DDX6: variants seen among roughly 807,000 people sequenced by gnomAD.
DDX6 encodes probable ATP-dependent RNA helicase DDX6.
A neutral mutation model predicts 60.6 loss-of-function variants in DDX6; 7 were observed. The ratio of observed to expected loss-of-function variants is 0.12; its 90% CI spans 0.07 to 0.22. The LOEUF (loss-of-function observed/expected upper bound fraction) is 0.22. DDX6 is among the 10% of genes least tolerant of loss of function. The pLI, the probability that DDX6 is intolerant of heterozygous loss-of-function variation, is 1.00. For synonymous variants in DDX6, 207 were observed against 201.0 expected (o/e 1.03, Z -0.25); for missense variants, 270 against 589.9 (o/e 0.46, Z 5.62).
chr11:118,748,403 G>A lies in DDX6; in HGVS notation c.*3702C>T, dbSNP rs1338654432. On this transcript the variant is annotated 3_prime_UTR_variant, in exon 14 of 14. Transcript: ENST00000534980. The stretch of plus-strand genomic sequence containing the variant: ...TTAAAAAACTATCTTTAGATTTAGA[G>A]ATACAAAGTACAACTACAATCTCAC... The A allele has an allele frequency of 6.6e-6, 1 of 152,128 alleles. No homozygotes were observed. The highest frequency in any genetic ancestry group is 1.5e-5 in the Non-Finnish European group (1 of 68,026). 9.4% of individuals were successfully genotyped at this position (152,128 alleles called of 1,614,324 possible). A position where few individuals can be genotyped will look rare whatever the true frequency, so the allele number is the denominator to read the frequency against.
intron 10 of DDX6, 42 bp downstream of exon 10, chr11:118,757,129 G>T: frequency 2.0e-6 from 2 of 1,002,506 alleles, no homozygotes; most frequent in South Asian, 1.9e-5. Flanking sequence ...TAAAGAAAGA[G>T]ATTTCTTATT....
At position 118,757,148 on chromosome 11, in the gene DDX6, G is replaced by C. The variant is rs781836864; in HGVS notation, c.1110+23C>G. 4.3e-6 allele frequency: 5 copies of C among 1,158,250 alleles called. No homozygotes were observed. The African/African-American group carries it at 8.0e-5, about 19-fold the overall frequency. 71.7% of individuals were successfully genotyped at this position (1,158,250 alleles called of 1,614,324 possible). ...GAAAGAGATTTCTTATTAAATTTGT[G>C]CAAGTTCTAGTTTTATACTCACCTG... is the stretch of plus-strand genomic sequence containing the variant. On this transcript the variant is annotated intron_variant, in intron 10 of 13. Coordinates refer to ENST00000534980, the MANE Select transcript of DDX6 (RefSeq NM_004397.6).
chr11:118,748,836 C>CTGA lies in DDX6; in HGVS notation c.*3268_*3269insTCA, dbSNP rs1860651089. On this transcript the variant is annotated 3_prime_UTR_variant, in exon 14 of 14. Transcript: ENST00000534980. Reference sequence around the variant, plus strand: ...TACTCAAGGCTTTGTGCTGAGTTGTCGTTTGAACCAAGCATGATGTTATCA... The same window carrying CTGA: ...TACTCAAGGCTTTGTGCTGAGTTGTCTGAGTTTGAACCAAGCATGATGTTATCA... 1.3e-5 allele frequency: 2 copies of CTGA among 149,450 alleles called. No homozygotes were observed. Among genetic ancestry groups the CTGA allele is most frequent in the Non-Finnish European group, 2.9e-5 (2 of 67,844 alleles). The allele number at this position is 149,450 out of a possible 1,614,324, so 9.3% of individuals were successfully genotyped here.
At chr11:118,758,676 G>A (rs958009335) in intron 9 of DDX6, 98 bp downstream of exon 9, 95 of 1,434,018 alleles carry the variant, frequency 6.6e-5, no homozygotes, top group Middle Eastern at 1.8e-4. Context: ...GAAACACTAC[G>A]AACTTTTATA....
chr11:118,748,444 T>G lies in DDX6; in HGVS notation c.*3661A>C, dbSNP rs1555156341. ...ACAATCTCACAGAAGTCCACTAAAG[T>G]TCACCAAAAAGCTGACTTACTTCAG... On this transcript the variant is annotated 3_prime_UTR_variant, in exon 14 of 14. Transcript: ENST00000534980. The G allele has an allele frequency of 6.6e-6, 1 of 152,192 alleles. No homozygotes were observed. The highest frequency in any genetic ancestry group is 2.4e-5 in the African/African-American group (1 of 41,462). 9.4% of individuals were successfully genotyped at this position (152,192 alleles called of 1,614,324 possible). A position where few individuals can be genotyped will look rare whatever the true frequency, so the allele number is the denominator to read the frequency against.
intron 7 of DDX6, among the ~76,000 whole-genome samples, chr11:118,762,644 T>A (rs1294330338): frequency 3.3e-5 from 5 of 152,122 alleles, no homozygotes; most frequent in Non-Finnish European, 7.3e-5. Flanking sequence ...AGGAAAAATA[T>A]CAATCTTAAA....
chr11:118,764,833 C>CACACACACACACAT (rs1345531164), intron 6 of DDX6, among the ~76,000 whole-genome samples: 2 of 150,284 alleles, frequency 1.3e-5, no homozygotes, highest in African/African-American at 4.9e-5. Flanking sequence ...CACACACACA[C>CACACACACACACAT]ACACATTATA....
Position 118,750,110 on chromosome 11 carries a change from T to A in DDX6, c.*1995A>T, listed in dbSNP as rs1860706476. The A allele has an allele frequency of 6.6e-6, 1 of 152,594 alleles. No individual in the cohort carries two copies. Among genetic ancestry groups the A allele is most frequent in the South Asian group, 2.1e-4 (1 of 4,830 alleles). The allele number at this position is 152,594 out of a possible 1,614,324, so 9.5% of individuals were successfully genotyped here. Reference sequence around the variant, plus strand: ...GTCCAAAAGAGTTAAAACATTAAAGTATATGCGGGACTTATTTTGTAATAT... The same window carrying A: ...GTCCAAAAGAGTTAAAACATTAAAGAATATGCGGGACTTATTTTGTAATAT... On this transcript the variant is annotated 3_prime_UTR_variant, in exon 14 of 14. Transcript: ENST00000534980.
chr11:118,759,558 T>C (rs1420231729), intron 8 of DDX6, among the ~76,000 whole-genome samples: 1 of 152,224 alleles, frequency 6.6e-6, no homozygotes, highest in East Asian at 1.9e-4. Flanking sequence ...CCTTTTAGCA[T>C]CATGTTCGTG....
In DDX6 at chr11:118,768,210, T is replaced by TGAA. The variant is rs1861419662; in HGVS notation, c.499+12_499+13insTTC. ...CCATTTTTAGTTTAAAAACAAACTTTTATTCAACTAACCTTGTATATTGTC... is the reference window on the plus strand; with the variant it reads ...CCATTTTTAGTTTAAAAACAAACTTTGAATATTCAACTAACCTTGTATATTGTC... On this transcript the variant is annotated intron_variant, in intron 5 of 13. Transcript: ENST00000534980. 2 of 1,609,426 alleles carry TGAA rather than the reference T, an allele frequency of 1.2e-6. No individual in the cohort carries two copies. Among genetic ancestry groups the TGAA allele is most frequent in the African/African-American group, 2.7e-5 (2 of 74,866 alleles).
At chr11:118,752,672 A>G (rs1860816659) in intron 13 of DDX6, among the ~76,000 whole-genome samples, 1 of 152,178 alleles carries the variant, frequency 6.6e-6, no homozygotes, top group African/African-American at 2.4e-5. Context: ...TAAGATGTTC[A>G]CCTATAACTT....
rs764580088 is a variant in DDX6 at position 118,786,289 on chromosome 11, T to G, written c.-38A>C. Reference sequence around the variant, plus strand: ...GCAAAGGTCTTTCAAACTTCAAAACTTTTGAAAGTCAGTAGAGAAACTGTA... The same window carrying G: ...GCAAAGGTCTTTCAAACTTCAAAACGTTTGAAAGTCAGTAGAGAAACTGTA... On this transcript the variant is annotated 5_prime_UTR_variant, in exon 2 of 14. Coordinates refer to ENST00000534980, the MANE Select transcript of DDX6 (RefSeq NM_004397.6). 6.4e-7 allele frequency: 1 copy of G among 1,550,888 alleles called. No homozygotes were observed. The highest frequency in any genetic ancestry group is 8.8e-7 in the Non-Finnish European group (1 of 1,142,400).
intron 4 of DDX6, among the ~76,000 whole-genome samples, chr11:118,776,161 C>A (rs1341968363): frequency 2.0e-5 from 3 of 152,128 alleles, no homozygotes; most frequent in African/African-American, 7.2e-5. Context: ...AAATTTAAAA[C>A]AATTACGTCT....
chr11:118,756,003 G>T (rs1860955427), intron 11 of DDX6, among the ~76,000 whole-genome samples: 2 of 114,820 alleles, frequency 1.7e-5, no homozygotes, highest in African/African-American at 3.4e-5. Context: ...GGGTGACAAA[G>T]ATTCCATCCC....
intron 4 of DDX6, among the ~76,000 whole-genome samples, chr11:118,770,563 T>TCAGAACAACACAGCTGC (rs1382155972): frequency 6.6e-6 from 1 of 152,062 alleles, no homozygotes; most frequent in East Asian, 1.9e-4. Context: ...TTCCATATGG[T>TCAGAACAACACAGCTGC]CAGAACAACA....
chr11:118,769,681 TGA>T (rs1491375326), intron 4 of DDX6, among the ~76,000 whole-genome samples: 14 of 15,210 alleles, frequency 9.2e-4, no homozygotes, highest in Admixed American at 2.7e-3. Context: ...GCTTGATCGT[TGA>T]AAAATTGTTA....
intron 13 of DDX6, 125 bp downstream of exon 13, chr11:118,754,580 A>G (rs1860899842): frequency 1.3e-6 from 1 of 777,500 alleles, no homozygotes; most frequent in Non-Finnish European, 2.0e-6. Flanking sequence ...ACTGTCATTT[A>G]TGCTAGTGGG....
chr11:118,779,656 G>A lies in DDX6; in HGVS notation c.345C>T (p.Gly115=). The change falls in exon 4 of 14, where the codon GGC becomes GGT. Residue 115 remains glycine, a synonymous_variant. Coordinates refer to ENST00000534980, the MANE Select transcript of DDX6 (RefSeq NM_004397.6). ...RELLMGIFEM[G]WEKPSPIQEE... Reference sequence around the variant, plus strand: ...CCTGAATAGGAGATGGCTTTTCCCAGCCCATTTCAAAAATTCCCATCAGTA... The same window carrying A: ...CCTGAATAGGAGATGGCTTTTCCCAACCCATTTCAAAAATTCCCATCAGTA... The A allele has an allele frequency of 1.2e-6, 2 of 1,610,924 alleles. No homozygotes were observed. Among genetic ancestry groups the A allele is most frequent in the Non-Finnish European group, 1.7e-6 (2 of 1,178,424 alleles).
chr11:118,775,653 C>T (rs1007226143), intron 4 of DDX6, among the ~76,000 whole-genome samples: 11 of 152,110 alleles, frequency 7.2e-5, no homozygotes, highest in African/African-American at 2.4e-4. Flanking sequence ...TTGATCTTAA[C>T]AATAAAAATC....
Sources: allele counts gnomAD v4.1 joint callset (sites outside exome capture counted in the v4.1 genomes callset), GRCh38; gene constraint gnomAD v4.1.1; transcripts MANE v1.5; gene names NCBI Gene and HGNC (gene_info 2026-07-23, HGNC 2026-07-21).